UVRAG: variants seen among roughly 807,000 people sequenced by gnomAD.
UVRAG encodes UV radiation resistance-associated gene protein.
A neutral mutation model predicts 78.0 loss-of-function variants in UVRAG; 19 were observed. That is an observed-to-expected ratio of 0.24 (90% CI 0.17 to 0.36). The LOEUF (loss-of-function observed/expected upper bound fraction) is 0.36, where lower values mean the gene tolerates loss of function less well. Ranked by LOEUF, UVRAG falls within the 10% of genes least tolerant of loss-of-function variation. UVRAG has a pLI of 1.00. For synonymous variants in UVRAG, 323 were observed against 324.6 expected (o/e 1.00, Z 0.05); for missense variants, 740 against 853.8 (o/e 0.87, Z 1.66).
At chr11:76,069,276 C>A (rs1486431810) in intron 13 of UVRAG, among the ~76,000 whole-genome samples, 1 of 152,194 alleles carries the variant, frequency 6.6e-6, no homozygotes. Context: ...TTGCCCTCTT[C>A]ATGTCACTGC....
At position 76,079,891 on chromosome 11, in the gene UVRAG, G is replaced by A. The variant is rs569945843; in HGVS notation, c.1305+14103G>A. Among the ~76,000 whole-genome samples the A allele has an allele frequency of 2.7e-4, 41 of 152,216 alleles. No homozygotes were observed. The East Asian group carries it at 3.7e-3, about 14-fold the overall frequency. ...AAATGAAGGAGCATTGCCTTCATTC[G>A]TTTTCTGCTGCTATAACAGAATATC... is the stretch of plus-strand genomic sequence containing the variant. On this transcript the variant is annotated intron_variant, in intron 13 of 14. Transcript: ENST00000356136.
chr11:75,958,125 G>A (rs972668376), intron 6 of UVRAG, among the ~76,000 whole-genome samples: 1 of 152,200 alleles, frequency 6.6e-6, no homozygotes, highest in Non-Finnish European at 1.5e-5. Flanking sequence ...CTGGTGGAGG[G>A]TCTTGCCTCC....
chr11:75,968,893 A>G (rs1207367948), intron 7 of UVRAG, among the ~76,000 whole-genome samples: 2 of 152,214 alleles, frequency 1.3e-5, no homozygotes, highest in African/African-American at 4.8e-5. Flanking sequence ...TCTTGATTAT[A>G]CTATTGCATT....
intron 14 of UVRAG, among the ~76,000 whole-genome samples, chr11:76,123,416 A>G (rs903688465): frequency 6.6e-6 from 1 of 152,222 alleles, no homozygotes; most frequent in African/African-American, 2.4e-5. Flanking sequence ...AAACAGGAAC[A>G]CTGAAGAAGG....
chr11:76,141,196 C>CT lies in UVRAG; in HGVS notation c.1884dup (p.Val629CysfsTer19). 1 of 1,614,140 alleles carries CT rather than the reference C, an allele frequency of 6.2e-7. No individual in the cohort carries two copies. The highest frequency in any genetic ancestry group is 1.3e-5 in the African/African-American group (1 of 75,020). On this transcript the variant is annotated frameshift_variant, in exon 15 of 15. Coordinates refer to ENST00000356136, the MANE Select transcript of UVRAG (RefSeq NM_003369.4). LOFTEE classifies it high-confidence loss of function. ...GTCTCAGAAGCTGAGCTCTGCTGTA[C>CT]TGTGGAGCAAGCAGAAGAAATCATC...
chr11:75,845,284 C>A (rs185141804), intron 1 of UVRAG, among the ~76,000 whole-genome samples: 33 of 152,336 alleles, frequency 2.2e-4, no homozygotes, highest in Admixed American at 7.8e-4. Flanking sequence ...TAGAGCACAA[C>A]TCAGCCACCT....
intron 8 of UVRAG, among the ~76,000 whole-genome samples, chr11:75,998,099 C>T (rs1949741420): frequency 6.6e-6 from 1 of 152,202 alleles, no homozygotes; most frequent in South Asian, 2.1e-4. Context: ...GTGAAGCTCC[C>T]TTGACAGTTG....
rs373826985 is a variant in UVRAG at position 75,940,862 on chromosome 11, C to G, written c.594-20582C>G. The stretch of plus-strand genomic sequence containing the variant: ...ATCACTGGCACCACAGCCTACCTTC[C>G]TAACCACTACACTATGCTAACTACT... On this transcript the variant is annotated intron_variant, in intron 6 of 14. Coordinates refer to ENST00000356136, the MANE Select transcript of UVRAG (RefSeq NM_003369.4). Among the ~76,000 whole-genome samples, 89 of 152,278 alleles carry G rather than the reference C, an allele frequency of 5.8e-4. 1 individual carries two copies. Among genetic ancestry groups the G allele is most frequent in the African/African-American group, 2.1e-3 (87 of 41,570 alleles).
intron 6 of UVRAG, among the ~76,000 whole-genome samples, chr11:75,941,163 A>G (rs1948476471): frequency 6.6e-6 from 1 of 152,166 alleles, no homozygotes; most frequent in Admixed American, 6.6e-5. Context: ...ATTGACTTAC[A>G]CTCAAGAGCA....
chr11:76,095,434 A>G (rs1951770509), intron 13 of UVRAG, among the ~76,000 whole-genome samples: 1 of 152,124 alleles, frequency 6.6e-6, no homozygotes, highest in South Asian at 2.1e-4. Context: ...TTGTTAAGCT[A>G]ATTAAGCCAT....
intron 8 of UVRAG, among the ~76,000 whole-genome samples, chr11:75,996,787 A>G (rs1949715600): frequency 6.6e-6 from 1 of 152,166 alleles, no homozygotes; most frequent in African/African-American, 2.4e-5. Context: ...TAGGATTTCA[A>G]CCTAGATCTT....
chr11:75,947,260 G>GT, intron 6 of UVRAG, among the ~76,000 whole-genome samples: 1 of 152,238 alleles, frequency 6.6e-6, no homozygotes, highest in Non-Finnish European at 1.5e-5. Context: ...GAACTGATAC[G>GT]TGACCTTAAT....
chr11:75,864,777 A>C (rs1191447677), intron 3 of UVRAG, among the ~76,000 whole-genome samples: 1 of 152,260 alleles, frequency 6.6e-6, no homozygotes, highest in South Asian at 2.1e-4. Context: ...AGGATTAGGC[A>C]AAGATTTGAA....
intron 8 of UVRAG, among the ~76,000 whole-genome samples, chr11:75,997,496 G>A (rs1009604814): frequency 2.6e-5 from 4 of 152,072 alleles, no homozygotes; most frequent in African/African-American, 9.7e-5. Flanking sequence ...GCCTGGACAG[G>A]GTCAAAGCAG....
intron 12 of UVRAG, among the ~76,000 whole-genome samples, chr11:76,039,129 T>C (rs965076435): frequency 1.3e-5 from 2 of 152,166 alleles, no homozygotes; most frequent in Non-Finnish European, 2.9e-5. Flanking sequence ...GACAAGTTAC[T>C]TGATCACCCT....
chr11:76,103,158 C>G (rs780601057), intron 13 of UVRAG, among the ~76,000 whole-genome samples: 2 of 152,180 alleles, frequency 1.3e-5, no homozygotes, highest in Non-Finnish European at 2.9e-5. Context: ...CTGTCTTCTG[C>G]TGCCAGCCAG....
intron 13 of UVRAG, among the ~76,000 whole-genome samples, chr11:76,085,131 A>G (rs1305103218): frequency 1.3e-5 from 2 of 151,764 alleles, no homozygotes; most frequent in Non-Finnish European, 2.9e-5. Flanking sequence ...TGCCTTAACC[A>G]GAATAGTTTG....
At chr11:75,872,161 GT>G (rs1946665830) in intron 3 of UVRAG, among the ~76,000 whole-genome samples, 1 of 152,062 alleles carries the variant, frequency 6.6e-6, no homozygotes, top group Non-Finnish European at 1.5e-5. Context: ...TACCATTTGA[GT>G]TTTTCATATC....
chr11:75,885,229 T>C (rs890677382), intron 4 of UVRAG, among the ~76,000 whole-genome samples: 10 of 151,874 alleles, frequency 6.6e-5, no homozygotes, highest in Admixed American at 5.2e-4. Flanking sequence ...AATCTGGTAC[T>C]TTTTTTTGGT....
Sources: allele counts gnomAD v4.1 joint callset (sites outside exome capture counted in the v4.1 genomes callset), GRCh38; gene constraint gnomAD v4.1.1; transcripts MANE v1.5; gene names NCBI Gene and HGNC (gene_info 2026-07-23, HGNC 2026-07-21).